Variants in GALNS observed in about 807,000 individuals in gnomAD.
The protein encoded by GALNS is N-acetylgalactosamine-6-sulfatase.
GALNS carries 65 observed loss-of-function variants against 65.9 expected under a neutral mutation model. The ratio of observed to expected loss-of-function variants is 0.99; its 90% CI spans 0.81 to 1.21. GALNS has a LOEUF of 1.21. Among genes scored for constraint, GALNS ranks in the 50% most tolerant of loss-of-function variants. GALNS has a pLI of 0.00. For missense variants in GALNS, 776 were observed against 700.7 expected (o/e 1.11, Z -1.21); for synonymous variants, 346 against 288.9 (o/e 1.20, Z -2.00).
At chr16:88,836,637 G>C (rs1262678351) in intron 5 of GALNS, among the ~76,000 whole-genome samples, 1 of 151,142 alleles carries the variant, frequency 6.6e-6, no homozygotes, top group Non-Finnish European at 1.5e-5. Flanking sequence ...CTGGGTGACA[G>C]AGCAAGATCC....
intron 13 of GALNS, chr16:88,817,166 G>A (rs909489260): frequency 3.0e-6 from 3 of 985,320 alleles, no homozygotes; most frequent in African/African-American, 1.7e-5. Context: ...CCGTCCACAT[G>A]CCACCCTATG....
At chr16:88,854,717 A>T (rs1967696312) in intron 1 of GALNS, among the ~76,000 whole-genome samples, 1 of 152,244 alleles carries the variant, frequency 6.6e-6, no homozygotes, top group South Asian at 2.1e-4. Context: ...GGATGTGGCC[A>T]GTTCAGAGGC....
At chr16:88,824,682 T>C (rs1401510764) in intron 11 of GALNS, 85 bp downstream of exon 11, 2 of 1,107,312 alleles carry the variant, frequency 1.8e-6, no homozygotes, top group Middle Eastern at 2.5e-4. Flanking sequence ...CACCCTCCTG[T>C]GCCTCCCCCA....
intron 5 of GALNS, among the ~76,000 whole-genome samples, chr16:88,837,021 A>G (rs1417574442): frequency 6.6e-6 from 1 of 152,246 alleles, no homozygotes; most frequent in Non-Finnish European, 1.5e-5. Context: ...GGCTCTATCT[A>G]GAAAGAGGCA....
At chr16:88,828,998 C>T (rs7194471) in intron 9 of GALNS, among the ~76,000 whole-genome samples, 562 of 55,422 alleles carry the variant, frequency 0.01, 13 homozygotes, top group African/African-American at 0.021. Flanking sequence ...CCGGGTCTCA[C>T]GCCATCGTCT....
chr16:88,846,266 T>C (rs1488598349), intron 1 of GALNS, among the ~76,000 whole-genome samples: 1 of 152,120 alleles, frequency 6.6e-6, no homozygotes, highest in Non-Finnish European at 1.5e-5. Context: ...TAAGATGAGG[T>C]CACTAACATG....
At position 88,856,763 on chromosome 16, in the gene GALNS, C is replaced by G; in HGVS notation, c.115G>C (p.Asp39His). The G allele has an allele frequency of 6.5e-7, 1 of 1,535,952 alleles. No homozygotes were observed. The highest frequency in any genetic ancestry group is 8.7e-7 in the Non-Finnish European group (1 of 1,148,538). ...GTCCCACCGCCCGCACTCACGTCGT[C>G]CATGAGCAGGAGCAGGATGTTGGGG... ...QPPNILLLLM[D>H]DMGWGDLGVY... Residue 39 changes from aspartate to histidine, a missense_variant, in exon 1 of 14, where the codon GAC becomes CAC. Asp to His is a moderately conservative substitution (Grantham distance 81). Transcript: ENST00000268695.
intron 5 of GALNS, 63 bp downstream of exon 5, chr16:88,837,559 G>A: frequency 1.3e-6 from 2 of 1,550,804 alleles, no homozygotes; most frequent in East Asian, 2.3e-5. Flanking sequence ...CTAGAGGCGG[G>A]GGGCAGGCAC....
intron 9 of GALNS, among the ~76,000 whole-genome samples, chr16:88,828,790 C>G (rs1911184738): frequency 6.6e-6 from 1 of 152,212 alleles, no homozygotes; most frequent in Admixed American, 6.5e-5. Context: ...ACGCATGGAG[C>G]CGGGCGGCGC....
intron 4 of GALNS, 123 bp downstream of exon 4, chr16:88,840,868 AT>A (rs1428599136): frequency 5.1e-6 from 4 of 783,940 alleles, no homozygotes; most frequent in Non-Finnish European, 9.1e-6. Flanking sequence ...CACACCCAGA[AT>A]CAGCTGCCGT....
chr16:88,847,562 C>T (rs897981040), intron 1 of GALNS, among the ~76,000 whole-genome samples: 1 of 152,156 alleles, frequency 6.6e-6, no homozygotes, highest in African/African-American at 2.4e-5. Context: ...TGTAAAGTTT[C>T]CACCATTTCA....
At chr16:88,851,645 C>T (rs1967513907) in intron 1 of GALNS, among the ~76,000 whole-genome samples, 1 of 152,208 alleles carries the variant, frequency 6.6e-6, no homozygotes, top group Non-Finnish European at 1.5e-5. Flanking sequence ...AAAATCAGGA[C>T]ACTCCCGCCC....
chr16:88,819,647 C>T (rs932681015), intron 12 of GALNS, among the ~76,000 whole-genome samples: 1 of 152,232 alleles, frequency 6.6e-6, no homozygotes, highest in Non-Finnish European at 1.5e-5. Context: ...ATCTTCCTGC[C>T]TCAGTCTCTT....
At chr16:88,843,105 C>T in intron 1 of GALNS, 1 of 1,479,244 alleles carries the variant, frequency 6.8e-7, no homozygotes, top group Non-Finnish European at 9.0e-7. Flanking sequence ...TCCACTTCTG[C>T]TTGGTCTTCA....
chr16:88,830,493 C>G (rs891670653), intron 9 of GALNS, among the ~76,000 whole-genome samples: 1 of 151,764 alleles, frequency 6.6e-6, no homozygotes, highest in African/African-American at 2.4e-5. Context: ...GAGCCCCCCC[C>G]ATCCTCGTGG....
At chr16:88,817,801 G>C (rs1023176407) in intron 13 of GALNS, among the ~76,000 whole-genome samples, 2 of 152,206 alleles carry the variant, frequency 1.3e-5, no homozygotes, top group African/African-American at 4.8e-5. Flanking sequence ...CTGGTGCAGC[G>C]TTGTTCTGGT....
At chr16:88,842,031 G>A (rs916648808) in intron 2 of GALNS, 60 bp from the exon 3 acceptor site, 22 of 1,448,104 alleles carry the variant, frequency 1.5e-5, no homozygotes, top group Admixed American at 1.1e-4. Context: ...GACCCCGGGC[G>A]TCAACAAGAG....
intron 2 of GALNS, 123 bp downstream of exon 2, chr16:88,842,583 T>C: frequency 8.0e-7 from 1 of 1,247,012 alleles, no homozygotes; most frequent in Non-Finnish European, 1.1e-6. Context: ...CCTGCCACCC[T>C]CCCTGCAGTA....
At chr16:88,829,060 C>T (rs968163692) in intron 9 of GALNS, among the ~76,000 whole-genome samples, 6 of 146,490 alleles carry the variant, frequency 4.1e-5, no homozygotes, top group Admixed American at 6.9e-5. Flanking sequence ...CAGAGCTACA[C>T]GGGTCCCGAG....
Sources: allele counts gnomAD v4.1 joint callset (sites outside exome capture counted in the v4.1 genomes callset), GRCh38; gene constraint gnomAD v4.1.1; transcripts MANE v1.5; gene names NCBI Gene and HGNC (gene_info 2026-07-23, HGNC 2026-07-21).